Variants in EYA2 observed in about 807,000 individuals in gnomAD.
EYA2 encodes the protein EYA transcriptional coactivator and phosphatase 2.
Under a neutral mutation model 69.2 loss-of-function variants are expected in EYA2, and 31 were observed. The observed-to-expected ratio is 0.45, with a 90% CI of 0.34 to 0.60. EYA2 has a LOEUF of 0.60. EYA2 is among the 20% of genes least tolerant of loss of function. The pLI is 0.02. For synonymous variants in EYA2, 257 were observed against 279.4 expected, an observed-to-expected ratio of 0.92 and a Z score of 0.80; for missense variants, 622 against 701.2, an observed-to-expected ratio of 0.89 and a Z score of 1.28.
intron 10 of EYA2, chr20:47,160,751 G>A (rs1401068812): frequency 6.5e-6 from 1 of 154,934 alleles, no homozygotes; most frequent in African/African-American, 2.4e-5. Context: ...GGCACTGTGA[G>A]GGCAAGAGCC....
intron 1 of EYA2, among the ~76,000 whole-genome samples, chr20:46,976,919 C>T (rs1468421536): frequency 6.6e-6 from 1 of 152,208 alleles, no homozygotes; most frequent in East Asian, 1.9e-4. Context: ...ATGTGGAATT[C>T]GTTCTCATAA....
chr20:46,990,608 A>C (rs1230078009), intron 2 of EYA2, among the ~76,000 whole-genome samples: 1 of 152,240 alleles, frequency 6.6e-6, no homozygotes, highest in African/African-American at 2.4e-5. Context: ...AAAGTTGTTT[A>C]AAAAACTATT....
chr20:46,983,083 A>G (rs1568702526), intron 1 of EYA2, among the ~76,000 whole-genome samples: 3 of 152,156 alleles, frequency 2.0e-5, no homozygotes, highest in Admixed American at 2.0e-4. Context: ...AGTAATTTCC[A>G]TTTTTAAAGA....
chr20:47,106,491 A>G (rs949275237), intron 9 of EYA2, among the ~76,000 whole-genome samples: 45 of 152,252 alleles, frequency 3.0e-4, no homozygotes, highest in Admixed American at 2.7e-3. Context: ...ACCAGGTTAT[A>G]TCAGACTTCC....
intron 9 of EYA2, among the ~76,000 whole-genome samples, chr20:47,123,585 G>C (rs768067137): frequency 1.4e-4 from 22 of 152,146 alleles, no homozygotes; most frequent in Non-Finnish European, 1.6e-4. Flanking sequence ...CCACAAGTCA[G>C]TCAATATTGC....
chr20:47,161,510 G>A, intron 10 of EYA2: 1 of 439,736 alleles, frequency 2.3e-6, no homozygotes, highest in Non-Finnish European at 4.5e-6. Flanking sequence ...TGATCTTCAT[G>A]TCCTTGACCA....
chr20:47,075,835 C>A (rs747125831), intron 7 of EYA2, among the ~76,000 whole-genome samples: 13 of 152,278 alleles, frequency 8.5e-5, no homozygotes, highest in Admixed American at 2.6e-4. Flanking sequence ...AGGTAGTTTT[C>A]CAGTCCTCAC....
At chr20:46,996,384 A>G (rs753412721) in intron 2 of EYA2, among the ~76,000 whole-genome samples, 1 of 152,188 alleles carries the variant, frequency 6.6e-6, no homozygotes, top group Non-Finnish European at 1.5e-5. Flanking sequence ...GTAGTTTTGT[A>G]TTAGCCAGTG....
At chr20:47,046,708 C>T (rs112039822) in intron 5 of EYA2, among the ~76,000 whole-genome samples, 5,576 of 152,254 alleles carry the variant, frequency 0.037, 351 homozygotes, top group African/African-American at 0.13. Context: ...CAGGTGGCTG[C>T]GACCACGAAG....
chr20:47,034,470 A>G (rs933553809), intron 5 of EYA2, among the ~76,000 whole-genome samples: 2 of 152,192 alleles, frequency 1.3e-5, no homozygotes, highest in Non-Finnish European at 2.9e-5. Flanking sequence ...AATCTTGTTC[A>G]ATATCTTCCT....
intron 10 of EYA2, among the ~76,000 whole-genome samples, chr20:47,146,798 C>T (rs943336351): frequency 3.9e-5 from 6 of 152,176 alleles, no homozygotes; most frequent in African/African-American, 1.2e-4. Flanking sequence ...CGTCCAGCAG[C>T]GCTTTATGAA....
intron 5 of EYA2, among the ~76,000 whole-genome samples, chr20:47,021,497 C>T (rs903181269): frequency 6.6e-5 from 10 of 151,954 alleles, no homozygotes; most frequent in African/African-American, 2.2e-4. Context: ...TGTGGTGGCA[C>T]ACACCTGCAA....
At chr20:47,102,347 AGAGT>A in intron 9 of EYA2, among the ~76,000 whole-genome samples, 1 of 152,208 alleles carries the variant, frequency 6.6e-6, no homozygotes, top group Middle Eastern at 3.2e-3. Flanking sequence ...TCAACCAAAT[AGAGT>A]GAGAGAGGGA....
chr20:46,941,145 T>C (rs558328687), intron 1 of EYA2, among the ~76,000 whole-genome samples: 1 of 152,204 alleles, frequency 6.6e-6, no homozygotes, highest in East Asian at 1.9e-4. Flanking sequence ...GTGCCATGGG[T>C]AGGGCTGTCT....
At chr20:47,169,545 A>T (rs1040130817) in intron 11 of EYA2, among the ~76,000 whole-genome samples, 1 of 152,170 alleles carries the variant, frequency 6.6e-6, no homozygotes, top group South Asian at 2.1e-4. Flanking sequence ...TCAACCCTAC[A>T]GTCTCTTGCT....
chr20:47,156,127 CATATATATATATATATAT>C (rs752111640), intron 10 of EYA2, among the ~76,000 whole-genome samples: 181 of 14,420 alleles, frequency 0.013, 1 homozygote, highest in African/African-American at 0.017. Context: ...CACACACACA[CATATATATATATATATAT>C]ATATATATAT....
At chr20:46,953,860 C>G (rs1978955353) in intron 1 of EYA2, among the ~76,000 whole-genome samples, 1 of 152,184 alleles carries the variant, frequency 6.6e-6, no homozygotes, top group South Asian at 2.1e-4. Flanking sequence ...AAGGAGCTCT[C>G]GTTGGGATGA....
chr20:47,058,303 G>T (rs1281265342), intron 5 of EYA2, among the ~76,000 whole-genome samples: 1 of 152,244 alleles, frequency 6.6e-6, no homozygotes, highest in African/African-American at 2.4e-5. Context: ...CCAAGTGCCT[G>T]TAGGGGTGTA....
At chr20:47,016,095 T>A in intron 4 of EYA2, 86 bp from the exon 5 acceptor site, 2 of 999,680 alleles carry the variant, frequency 2.0e-6, no homozygotes, top group Non-Finnish European at 3.2e-6. Flanking sequence ...GCATGCTGTC[T>A]TGACCCAGTA....
Sources: allele counts gnomAD v4.1 joint callset (sites outside exome capture counted in the v4.1 genomes callset), GRCh38; gene constraint gnomAD v4.1.1; transcripts MANE v1.5; gene names NCBI Gene and HGNC (gene_info 2026-07-23, HGNC 2026-07-21).